PBX3: variants seen among roughly 807,000 people sequenced by gnomAD.
The protein encoded by PBX3 is pre-B-cell leukemia transcription factor 3.
A neutral mutation model predicts 48.5 loss-of-function variants in PBX3; 14 were observed. That is an observed-to-expected ratio of 0.29 (90% confidence interval 0.19 to 0.45). The LOEUF (loss-of-function observed/expected upper bound fraction) is 0.45. Ranked by LOEUF, PBX3 falls within the 20% of genes least tolerant of loss-of-function variation. The pLI, the probability that PBX3 is intolerant of heterozygous loss-of-function variation, is 1.00. For synonymous variants in PBX3, 210 were observed against 200.3 expected, an observed-to-expected ratio of 1.05 and a Z score of -0.41; for missense variants, 386 against 546.7, an observed-to-expected ratio of 0.71 and a Z score of 2.93.
chr9:125,919,255 G>T (rs1193099843), intron 3 of PBX3, among the ~76,000 whole-genome samples: 1 of 150,400 alleles, frequency 6.6e-6, no homozygotes, highest in Non-Finnish European at 1.5e-5. Context: ...ACTCTGTCAC[G>T]CAGGCTGGAG....
intron 5 of PBX3, among the ~76,000 whole-genome samples, chr9:125,945,586 G>C (rs1842048967): frequency 6.6e-6 from 1 of 152,078 alleles, no homozygotes; most frequent in African/African-American, 2.4e-5. Context: ...TGGTAAACTC[G>C]ATTTTGGCCA....
At chr9:125,819,027 G>A (rs1010070998) in intron 2 of PBX3, among the ~76,000 whole-genome samples, 3 of 150,634 alleles carry the variant, frequency 2.0e-5, no homozygotes, top group Non-Finnish European at 4.4e-5. Context: ...GTAGAGATGG[G>A]GTCTCACCAT....
intron 2 of PBX3, among the ~76,000 whole-genome samples, chr9:125,859,187 G>T (rs538124775): frequency 4.9e-4 from 75 of 152,252 alleles, no homozygotes; most frequent in African/African-American, 1.7e-3. Context: ...TCATCTTTCA[G>T]GTCTCAGCTT....
At chr9:125,955,935 G>A (rs1842298551) in intron 5 of PBX3, among the ~76,000 whole-genome samples, 1 of 152,142 alleles carries the variant, frequency 6.6e-6, no homozygotes. Context: ...GCAGATGCTC[G>A]GTAAGCATTT....
At chr9:125,786,819 G>C (rs1045724482) in intron 2 of PBX3, among the ~76,000 whole-genome samples, 1 of 151,582 alleles carries the variant, frequency 6.6e-6, no homozygotes, top group Admixed American at 6.6e-5. Flanking sequence ...CTGCCTCCTG[G>C]GTTCAAGTGA....
At chr9:125,922,400 G>A (rs571321005) in intron 3 of PBX3, among the ~76,000 whole-genome samples, 15 of 152,130 alleles carry the variant, frequency 9.9e-5, no homozygotes, top group Non-Finnish European at 1.8e-4. Flanking sequence ...TCAACAGCTG[G>A]ATTAAAAGAA....
chr9:125,910,002 A>G (rs189283539), intron 2 of PBX3, among the ~76,000 whole-genome samples: 1 of 152,316 alleles, frequency 6.6e-6, no homozygotes, highest in East Asian at 1.9e-4. Flanking sequence ...GTGAAATGTA[A>G]TAAAGCGATG....
At chr9:125,837,128 G>GT (rs781737908) in intron 2 of PBX3, among the ~76,000 whole-genome samples, 39 of 152,086 alleles carry the variant, frequency 2.6e-4, no homozygotes, top group Non-Finnish European at 5.4e-4. Context: ...CCACCTAAAT[G>GT]TTTAACAGTA....
intron 2 of PBX3, among the ~76,000 whole-genome samples, chr9:125,777,281 A>G (rs1837099500): frequency 6.6e-6 from 1 of 151,148 alleles, no homozygotes; most frequent in African/African-American, 2.4e-5. Flanking sequence ...CCAACGTGCT[A>G]GGATTACAAG....
intron 2 of PBX3, among the ~76,000 whole-genome samples, chr9:125,804,762 A>G (rs952006309): frequency 2.0e-5 from 3 of 152,128 alleles, no homozygotes; most frequent in African/African-American, 7.2e-5. Context: ...CCTAGCCAAC[A>G]TGGTGAAACC....
At chr9:125,837,927 C>T (rs1839185074) in intron 2 of PBX3, among the ~76,000 whole-genome samples, 1 of 152,072 alleles carries the variant, frequency 6.6e-6, no homozygotes, top group South Asian at 2.1e-4. Context: ...GGTCTTTTTT[C>T]AAAAGATAGC....
At chr9:125,902,345 A>T (rs1483203036) in intron 2 of PBX3, among the ~76,000 whole-genome samples, 1 of 151,722 alleles carries the variant, frequency 6.6e-6, no homozygotes, top group Non-Finnish European at 1.5e-5. Context: ...TTGTACTCGC[A>T]TTATTGTTTC....
intron 5 of PBX3, among the ~76,000 whole-genome samples, chr9:125,940,224 T>A (rs1162694955): frequency 6.6e-6 from 1 of 151,726 alleles, no homozygotes; most frequent in Non-Finnish European, 1.5e-5. Flanking sequence ...TGAGATGGGA[T>A]CAAGAAGGAA....
intron 5 of PBX3, among the ~76,000 whole-genome samples, chr9:125,949,225 A>G (rs1272124585): frequency 6.6e-6 from 1 of 152,236 alleles, no homozygotes; most frequent in Non-Finnish European, 1.5e-5. Flanking sequence ...TTTTTTATCT[A>G]TAAAATGAGA....
intron 3 of PBX3, among the ~76,000 whole-genome samples, chr9:125,927,778 C>T (rs1841611161): frequency 6.6e-6 from 1 of 152,204 alleles, no homozygotes; most frequent in Non-Finnish European, 1.5e-5. Context: ...GTGGCACACA[C>T]CTGTAATCCT....
chr9:125,962,912 T>C, intron 7 of PBX3, 100 bp from the exon 8 acceptor site: 1 of 523,470 alleles, frequency 1.9e-6, no homozygotes, highest in South Asian at 4.4e-5. Flanking sequence ...ATTGAAGATG[T>C]TAAACCCTTG....
At chr9:125,905,337 T>C (rs905936360) in intron 2 of PBX3, among the ~76,000 whole-genome samples, 11 of 152,052 alleles carry the variant, frequency 7.2e-5, no homozygotes, top group Non-Finnish European at 1.3e-4. Flanking sequence ...ATTCTTTTAA[T>C]CCCTGGAGGG....
intron 5 of PBX3, among the ~76,000 whole-genome samples, chr9:125,946,932 T>C (rs1175571659): frequency 1.3e-5 from 2 of 152,282 alleles, no homozygotes; most frequent in Middle Eastern, 6.8e-3. Flanking sequence ...CAAAAGCAGC[T>C]AGAGGGAAAA....
intron 2 of PBX3, among the ~76,000 whole-genome samples, chr9:125,900,710 A>G (rs933317455): frequency 2.0e-5 from 3 of 151,756 alleles, no homozygotes; most frequent in South Asian, 2.1e-4. Context: ...TATTTATATC[A>G]TAATACTAAT....
Sources: gnomAD v4.1 joint callset for allele counts (sites outside exome capture counted in the v4.1 genomes callset) on GRCh38, gnomAD v4.1.1 for gene constraint, MANE v1.5 for transcripts, NCBI Gene and HGNC (gene_info 2026-07-23, HGNC 2026-07-21) for gene names.